UBE2W: variants seen among roughly 807,000 people sequenced by gnomAD.
UBE2W encodes the protein ubiquitin-conjugating enzyme E2 W.
In UBE2W, 18 loss-of-function variants were observed where a neutral mutation model predicts 27.2. The ratio of observed to expected loss-of-function variants is 0.66; its 90% CI spans 0.46 to 0.98. The LOEUF is 0.98. Ranked by LOEUF, UBE2W falls within the 50% of genes least tolerant of loss-of-function variation. UBE2W has a pLI of 0.00. For synonymous variants in UBE2W, 53 were observed against 57.2 expected (o/e 0.93, Z 0.33); for missense variants, 90 against 180.2 (o/e 0.50, Z 2.87).
intron 1 of UBE2W, among the ~76,000 whole-genome samples, chr8:73,877,299 G>A (rs1461595942): frequency 2.0e-5 from 3 of 152,150 alleles, no homozygotes; most frequent in African/African-American, 4.8e-5. Flanking sequence ...CTTCTCCAAC[G>A]TCTCTGGGGA....
At chr8:73,828,632 A>C (rs1016559523) in intron 2 of UBE2W, among the ~76,000 whole-genome samples, 4 of 152,198 alleles carry the variant, frequency 2.6e-5, no homozygotes, top group African/African-American at 9.6e-5. Context: ...GAAAATTAAA[A>C]AAATTGTTTT....
intron 1 of UBE2W, among the ~76,000 whole-genome samples, chr8:73,842,582 A>C (rs1191811818): frequency 6.6e-6 from 1 of 150,546 alleles, no homozygotes; most frequent in Non-Finnish European, 1.5e-5. Flanking sequence ...GAGTACTGAC[A>C]AAAAAAATAA....
At chr8:73,811,722 C>T (rs1809161311) in intron 3 of UBE2W, among the ~76,000 whole-genome samples, 1 of 152,094 alleles carries the variant, frequency 6.6e-6, no homozygotes, top group Non-Finnish European at 1.5e-5. Context: ...TTTACAGTAT[C>T]TCAGCCCTGC....
intron 4 of UBE2W, 125 bp from the exon 5 acceptor site, chr8:73,805,851 T>A: frequency 2.0e-6 from 1 of 492,216 alleles, no homozygotes; most frequent in Admixed American, 3.6e-5. Flanking sequence ...ATAGTATATC[T>A]AAAAGAATAA....
At chr8:73,841,051 C>T (rs969910100) in intron 1 of UBE2W, among the ~76,000 whole-genome samples, 1 of 152,074 alleles carries the variant, frequency 6.6e-6, no homozygotes, top group African/African-American at 2.4e-5. Flanking sequence ...GTTGCTAATA[C>T]AACTGTATAT....
chr8:73,840,027 G>A (rs1003751396), intron 1 of UBE2W, among the ~76,000 whole-genome samples: 3 of 149,892 alleles, frequency 2.0e-5, no homozygotes, highest in Admixed American at 6.6e-5. Flanking sequence ...TTGAGCCACC[G>A]TGCCTGGCCA....
At chr8:73,805,472 C>CAAAAAAAAAAACAACAAAAAA in intron 5 of UBE2W, among the ~76,000 whole-genome samples, 179 bp downstream of exon 5, 1 of 43,676 alleles carries the variant, frequency 2.3e-5, no homozygotes, top group Non-Finnish European at 5.0e-5. Context: ...AAAAAAAAAA[C>CAAAAAAAAAAACAACAAAAAA]AAAAAAAACT....
chr8:73,780,586 G>A, intron 4 of UBE2W: 1 of 432,684 alleles, frequency 2.3e-6, no homozygotes, highest in Non-Finnish European at 4.6e-6. Flanking sequence ...AGGCTGGAGT[G>A]CAGTGGCACA....
At chr8:73,810,188 T>C (rs1271781225) in intron 4 of UBE2W, among the ~76,000 whole-genome samples, 1 of 152,240 alleles carries the variant, frequency 6.6e-6, no homozygotes, top group Non-Finnish European at 1.5e-5. Flanking sequence ...TACCTGTGCA[T>C]GCTTTTGGGA....
At chr8:73,863,440 A>G (rs1228921071) in intron 1 of UBE2W, among the ~76,000 whole-genome samples, 24 of 130,790 alleles carry the variant, frequency 1.8e-4, no homozygotes, top group Admixed American at 1.6e-4. Flanking sequence ...GGGTGGGGGG[A>G]GGAGGGAGGG....
downstream of UBE2W, chr8:73,786,187 T>A: frequency 1.0e-6 from 1 of 979,940 alleles, no homozygotes; most frequent in South Asian, 4.7e-5. Context: ...GATAAAGATA[T>A]GAGAAACACC....
Position 73,787,530 on chromosome 8 carries a change from C to A in UBE2W, c.*6572G>T. On this transcript the variant is annotated 3_prime_UTR_variant, in exon 6 of 6. Coordinates refer to ENST00000602593, the MANE Select transcript of UBE2W (RefSeq NM_018299.6). ...CGGCAGGAACAGCTTGAGACATGAT[C>A]GTTTTTATGGCAGAATGGCTGCCTC... The A allele has an allele frequency of 1.0e-6, 1 of 985,376 alleles. No homozygotes were observed. Among genetic ancestry groups the A allele is most frequent in the Non-Finnish European group, 1.2e-6 (1 of 829,900 alleles). The allele number at this position is 985,376 out of a possible 1,614,324, so 61.0% of individuals were successfully genotyped here.
chr8:73,803,180 C>T (rs1808719133), intron 5 of UBE2W, among the ~76,000 whole-genome samples: 1 of 152,128 alleles, frequency 6.6e-6, no homozygotes, highest in African/African-American at 2.4e-5. Flanking sequence ...CACGCCACTG[C>T]ACTCCAGCCT....
At chr8:73,861,979 A>G (rs956029375) in intron 1 of UBE2W, among the ~76,000 whole-genome samples, 2 of 152,200 alleles carry the variant, frequency 1.3e-5, no homozygotes, top group African/African-American at 4.8e-5. Flanking sequence ...CTCGAATTTG[A>G]TTCTTAAATC....
At chr8:73,780,536 T>C (rs1380361771) in intron 4 of UBE2W, 2 of 451,012 alleles carry the variant, frequency 4.4e-6, no homozygotes, top group Non-Finnish European at 8.9e-6. Context: ...AAAATTTATT[T>C]ATTTATTTAT....
intron 5 of UBE2W, among the ~76,000 whole-genome samples, chr8:73,801,294 G>A (rs909494131): frequency 1.3e-5 from 2 of 152,066 alleles, no homozygotes; most frequent in East Asian, 1.9e-4. Context: ...CTAGAAAACC[G>A]ATTATCTTTT....
intron 1 of UBE2W, among the ~76,000 whole-genome samples, chr8:73,835,454 T>C (rs186575576): frequency 6.6e-6 from 1 of 152,186 alleles, no homozygotes; most frequent in East Asian, 1.9e-4. Flanking sequence ...AAAACTATGG[T>C]TTCTGTGGCC....
chr8:73,838,875 T>C (rs1369677573), intron 1 of UBE2W, among the ~76,000 whole-genome samples: 3 of 152,222 alleles, frequency 2.0e-5, no homozygotes, highest in Non-Finnish European at 4.4e-5. Context: ...GATTGACTGC[T>C]TTCTGCAACT....
chr8:73,807,744 G>T (rs2130868763), intron 4 of UBE2W, among the ~76,000 whole-genome samples: 1 of 152,198 alleles, frequency 6.6e-6, no homozygotes, highest in East Asian at 1.9e-4. Context: ...AGAATCATCA[G>T]AAAAGTCTTC....
Sources: allele counts gnomAD v4.1 joint callset (sites outside exome capture counted in the v4.1 genomes callset), GRCh38; gene constraint gnomAD v4.1.1; transcripts MANE v1.5; gene names NCBI Gene and HGNC (gene_info 2026-07-23, HGNC 2026-07-21).